Variants in CA10 observed in about 807,000 individuals in gnomAD.
CA10 encodes the protein carbonic anhydrase 10 (inactive), also known as carbonic anhydrase-related protein 10.
Under a neutral mutation model 44.2 loss-of-function variants are expected in CA10, and 14 were observed. That is an observed-to-expected ratio of 0.32 (90% CI 0.21 to 0.50). The LOEUF (loss-of-function observed/expected upper bound fraction) is 0.50, where lower values mean the gene tolerates loss of function less well. Among genes scored for constraint, CA10 ranks in the 20% least tolerant of loss-of-function variants. The probability of loss-of-function intolerance (pLI) is 0.99; values close to 1 mark genes in which losing one functional copy is unlikely to be tolerated. For synonymous variants in CA10, 159 were observed against 141.6 expected (o/e 1.12, Z -0.87); for missense variants, 350 against 409.7 (o/e 0.85, Z 1.26).
At chr17:51,710,357 G>T (rs1046024350) in intron 4 of CA10, among the ~76,000 whole-genome samples, 2 of 152,146 alleles carry the variant, frequency 1.3e-5, no homozygotes, top group African/African-American at 2.4e-5. Flanking sequence ...TGTCTCAGGT[G>T]CCTACAGGCT....
At chr17:51,899,186 T>A (rs1981204722) in intron 3 of CA10, among the ~76,000 whole-genome samples, 1 of 152,178 alleles carries the variant, frequency 6.6e-6, no homozygotes, top group African/African-American at 2.4e-5. Flanking sequence ...TTTAGCACTA[T>A]GAATATTTTT....
At chr17:52,075,255 T>C (rs560564548) in intron 1 of CA10, among the ~76,000 whole-genome samples, 1 of 152,310 alleles carries the variant, frequency 6.6e-6, no homozygotes, top group Non-Finnish European at 1.5e-5. Context: ...CATGGTGCAC[T>C]AGAAGAAGAT....
At chr17:51,686,042 TGG>T (rs1914997799) in intron 4 of CA10, among the ~76,000 whole-genome samples, 1 of 142,432 alleles carries the variant, frequency 7.0e-6, no homozygotes, top group Non-Finnish European at 1.5e-5. Context: ...ATAATCCCCA[TGG>T]GTCAAGGGCA....
At chr17:51,770,076 C>A (rs1270408816) in intron 3 of CA10, among the ~76,000 whole-genome samples, 1 of 151,286 alleles carries the variant, frequency 6.6e-6, no homozygotes, top group Non-Finnish European at 1.5e-5. Context: ...ATCTCTGTTG[C>A]TCTTTTATAG....
chr17:51,690,115 T>A (rs941889312), intron 4 of CA10, among the ~76,000 whole-genome samples: 1 of 152,248 alleles, frequency 6.6e-6, no homozygotes, highest in African/African-American at 2.4e-5. Flanking sequence ...ACCCAGCTAA[T>A]TTTTGTATTT....
chr17:51,696,615 C>T (rs1001040052), intron 4 of CA10, among the ~76,000 whole-genome samples: 1 of 152,106 alleles, frequency 6.6e-6, no homozygotes, highest in Non-Finnish European at 1.5e-5. Context: ...TATTTCTTCT[C>T]TTTTGCTAGC....
At chr17:51,717,617 GTA>G in intron 4 of CA10, among the ~76,000 whole-genome samples, 1 of 106,112 alleles carries the variant, frequency 9.4e-6, no homozygotes, top group South Asian at 3.3e-4. Context: ...ATGTATACAT[GTA>G]TATATGCACA....
chr17:52,014,650 G>A (rs772105144), intron 2 of CA10, among the ~76,000 whole-genome samples: 12 of 152,038 alleles, frequency 7.9e-5, no homozygotes, highest in Middle Eastern at 3.2e-3. Context: ...TAAATCGTCT[G>A]TATAAGCAAA....
chr17:52,074,185 G>T (rs1014933779), intron 1 of CA10, among the ~76,000 whole-genome samples: 3 of 152,108 alleles, frequency 2.0e-5, no homozygotes, highest in Admixed American at 1.3e-4. Context: ...ACTTTGTAAT[G>T]CTCACCTTGA....
At chr17:51,889,014 G>A (rs1220012495) in intron 3 of CA10, among the ~76,000 whole-genome samples, 7 of 152,102 alleles carry the variant, frequency 4.6e-5, no homozygotes, top group African/African-American at 1.7e-4. Context: ...AGTTGGCCGG[G>A]AGCTCAGCTG....
intron 4 of CA10, among the ~76,000 whole-genome samples, chr17:51,737,294 C>T (rs181120438): frequency 2.0e-5 from 3 of 152,224 alleles, no homozygotes; most frequent in African/African-American, 7.2e-5. Flanking sequence ...TGATAAGGCC[C>T]TAAGCACAAT....
At chr17:51,711,805 A>G (rs1915950753) in intron 4 of CA10, among the ~76,000 whole-genome samples, 3 of 152,168 alleles carry the variant, frequency 2.0e-5, no homozygotes, top group African/African-American at 7.2e-5. Flanking sequence ...CTTGGCATGT[A>G]TCTATTAGTC....
intron 2 of CA10, among the ~76,000 whole-genome samples, chr17:51,960,296 T>C (rs1983838907): frequency 1.3e-5 from 2 of 151,994 alleles, no homozygotes; most frequent in African/African-American, 4.8e-5. Flanking sequence ...GTCTTACATT[T>C]GTGTTACTAG....
At chr17:51,799,626 T>C (rs1253064577) in intron 3 of CA10, among the ~76,000 whole-genome samples, 1 of 152,146 alleles carries the variant, frequency 6.6e-6, no homozygotes, top group East Asian at 1.9e-4. Context: ...TAGAATACAG[T>C]AAATAATTAG....
At chr17:51,732,103 G>A (rs1276970934) in intron 4 of CA10, among the ~76,000 whole-genome samples, 1 of 152,204 alleles carries the variant, frequency 6.6e-6, no homozygotes, top group Non-Finnish European at 1.5e-5. Flanking sequence ...AGGTGGTAGA[G>A]CTGTCATTCA....
At chr17:51,804,846 A>C (rs1907068077) in intron 3 of CA10, among the ~76,000 whole-genome samples, 1 of 152,252 alleles carries the variant, frequency 6.6e-6, no homozygotes, top group Admixed American at 6.5e-5. Flanking sequence ...TAAGGGTTTT[A>C]AAGCATAGAT....
chr17:51,981,469 T>A (rs1471206919), intron 2 of CA10, among the ~76,000 whole-genome samples: 2 of 151,906 alleles, frequency 1.3e-5, no homozygotes, highest in Non-Finnish European at 2.9e-5. Context: ...CTAGGATAGG[T>A]AGAACTGACC....
intron 2 of CA10, among the ~76,000 whole-genome samples, chr17:52,043,936 T>C (rs941308917): frequency 3.3e-5 from 5 of 152,124 alleles, no homozygotes; most frequent in Non-Finnish European, 7.4e-5. Flanking sequence ...TCTATTAATG[T>C]GCTGTTGAAT....
intron 2 of CA10, among the ~76,000 whole-genome samples, chr17:52,037,251 A>T (rs1171640717): frequency 6.6e-6 from 1 of 152,202 alleles, no homozygotes; most frequent in Non-Finnish European, 1.5e-5. Flanking sequence ...TGTAGGGAGA[A>T]GAGAGTTCAC....
Sources: allele counts gnomAD v4.1 joint callset (sites outside exome capture counted in the v4.1 genomes callset), GRCh38; gene constraint gnomAD v4.1.1; transcripts MANE v1.5; gene names NCBI Gene and HGNC (gene_info 2026-07-23, HGNC 2026-07-21).